Variants in TIAM1 observed in about 807,000 individuals in gnomAD.
TIAM1 encodes rho guanine nucleotide exchange factor TIAM1.
Under a neutral mutation model 163.5 loss-of-function variants are expected in TIAM1, and 65 were observed. The ratio of observed to expected loss-of-function variants is 0.40; its 90% CI spans 0.33 to 0.49. The LOEUF (loss-of-function observed/expected upper bound fraction) is 0.49, where lower values mean the gene tolerates loss of function less well. TIAM1 is among the 20% of genes least tolerant of loss of function. TIAM1 has a pLI of 0.77. For missense variants in TIAM1, 1,789 were observed against 2,044.7 expected, an observed-to-expected ratio of 0.87 and a Z score of 2.41; for synonymous variants, 833 against 810.1, an observed-to-expected ratio of 1.03 and a Z score of -0.48.
chr21:31,462,649 C>G (rs1237443583), intron 2 of TIAM1, among the ~76,000 whole-genome samples: 1 of 152,156 alleles, frequency 6.6e-6, no homozygotes, highest in Non-Finnish European at 1.5e-5. Context: ...CAGCAACATT[C>G]CATCATGGGG....
intron 2 of TIAM1, among the ~76,000 whole-genome samples, chr21:31,450,421 C>T (rs1002200100): frequency 1.3e-5 from 2 of 152,172 alleles, no homozygotes; most frequent in African/African-American, 4.8e-5. Flanking sequence ...TGCCCCTGGG[C>T]ACCCTGCCTC....
At chr21:31,384,179 A>T (rs2076826800) in intron 2 of TIAM1, among the ~76,000 whole-genome samples, 1 of 152,144 alleles carries the variant, frequency 6.6e-6, no homozygotes, top group South Asian at 2.1e-4. Flanking sequence ...TTTAATGAAC[A>T]AATAAGGCAA....
intron 1 of TIAM1, among the ~76,000 whole-genome samples, chr21:31,552,303 C>T (rs73199536): frequency 0.05 from 7,583 of 151,816 alleles, 216 homozygotes; most frequent in East Asian, 0.12. Context: ...TTACTTGAGT[C>T]GAAGTATCTG....
intron 2 of TIAM1, among the ~76,000 whole-genome samples, chr21:31,434,684 A>G (rs1265748955): frequency 6.6e-6 from 1 of 152,218 alleles, no homozygotes; most frequent in Non-Finnish European, 1.5e-5. Context: ...TTGCAGTTAT[A>G]GTTAATTGCA....
At chr21:31,478,315 TTC>T (rs1343366996) in intron 1 of TIAM1, among the ~76,000 whole-genome samples, 1 of 152,190 alleles carries the variant, frequency 6.6e-6, no homozygotes, top group African/African-American at 2.4e-5. Context: ...GAACCAAGCT[TTC>T]TGTTTAGTCT....
intron 2 of TIAM1, among the ~76,000 whole-genome samples, chr21:31,410,929 C>T (rs1324266626): frequency 1.3e-5 from 2 of 152,088 alleles, no homozygotes; most frequent in Non-Finnish European, 2.9e-5. Flanking sequence ...ATTAGGGGCC[C>T]GCTCCTCACT....
intron 2 of TIAM1, among the ~76,000 whole-genome samples, chr21:31,378,860 T>C (rs1285127006): frequency 1.3e-5 from 2 of 152,200 alleles, no homozygotes; most frequent in East Asian, 3.8e-4. Flanking sequence ...ATAACAACAA[T>C]TTACATAGCA....
At chr21:31,481,201 A>G (rs576815538) in intron 1 of TIAM1, among the ~76,000 whole-genome samples, 1 of 152,252 alleles carries the variant, frequency 6.6e-6, no homozygotes, top group East Asian at 1.9e-4. Flanking sequence ...CTCTGTACAC[A>G]CAAGTGTGTA....
intron 3 of TIAM1, among the ~76,000 whole-genome samples, chr21:31,267,986 AG>A (rs2072879929): frequency 6.6e-6 from 1 of 152,210 alleles, no homozygotes; most frequent in Non-Finnish European, 1.5e-5. Flanking sequence ...AGTGGGAAAG[AG>A]AAAAATCTTC....
intron 1 of TIAM1, among the ~76,000 whole-genome samples, chr21:31,490,663 G>A (rs1369952663): frequency 1.3e-5 from 2 of 152,218 alleles, no homozygotes; most frequent in Admixed American, 6.5e-5. Context: ...ATGTGACTCA[G>A]CTGCCACCAA....
chr21:31,159,024 T>C lies in TIAM1; in HGVS notation c.2992-4598A>G, dbSNP rs771221910. ...TCCCAAAAGCCAAGTATCCTGGATGTGGGACAAGCAGCTTAGGACTCCAGC... is the reference window on the plus strand; with the variant it reads ...TCCCAAAAGCCAAGTATCCTGGATGCGGGACAAGCAGCTTAGGACTCCAGC... On this transcript the variant is annotated intron_variant, in intron 16 of 27. Transcript: ENST00000541036. Among the ~76,000 whole-genome samples the C allele has an allele frequency of 2.2e-3, 338 of 152,156 alleles. 3 individuals are homozygous for C. The highest frequency in any genetic ancestry group is 6.2e-4 in the Non-Finnish European group (42 of 68,018).
intron 2 of TIAM1, among the ~76,000 whole-genome samples, chr21:31,401,078 G>A (rs1569299210): frequency 2.0e-5 from 3 of 151,836 alleles, no homozygotes; most frequent in Non-Finnish European, 2.9e-5. Context: ...ATAAATAAAT[G>A]AATAAATAAA....
At chr21:31,305,895 T>C (rs2074690977) in intron 2 of TIAM1, among the ~76,000 whole-genome samples, 1 of 152,012 alleles carries the variant, frequency 6.6e-6, no homozygotes, top group Non-Finnish European at 1.5e-5. Flanking sequence ...AGAAGGTGTC[T>C]GCTCACGGGG....
At chr21:31,183,788 A>C (rs1423332318) in intron 14 of TIAM1, among the ~76,000 whole-genome samples, 2 of 137,460 alleles carry the variant, frequency 1.5e-5, no homozygotes, top group East Asian at 2.2e-4. Flanking sequence ...TCTGCCTCCC[A>C]GGTTCAAGCG....
intron 1 of TIAM1, among the ~76,000 whole-genome samples, chr21:31,516,272 A>AGTG (rs924588676): frequency 1.3e-5 from 2 of 149,932 alleles, no homozygotes; most frequent in African/African-American, 4.9e-5. Context: ...ATTAGCCGGG[A>AGTG]GTGGTGGCAT....
At chr21:31,201,018 G>A (rs1251540467) in intron 12 of TIAM1, among the ~76,000 whole-genome samples, 1 of 152,066 alleles carries the variant, frequency 6.6e-6, no homozygotes. Flanking sequence ...CACACAATGG[G>A]CAAGGCTTAA....
intron 2 of TIAM1, among the ~76,000 whole-genome samples, chr21:31,409,459 G>C (rs2077307126): frequency 6.6e-6 from 1 of 152,086 alleles, no homozygotes; most frequent in African/African-American, 2.4e-5. Context: ...TTTTCTCACA[G>C]ACTGCCCCTC....
At chr21:31,313,040 C>A (rs1043694896) in intron 2 of TIAM1, among the ~76,000 whole-genome samples, 9 of 152,128 alleles carry the variant, frequency 5.9e-5, no homozygotes, top group Non-Finnish European at 8.8e-5. Context: ...CTGCCTGGTG[C>A]AAAAAGAATG....
At chr21:31,183,109 C>T (rs1031337438) in intron 14 of TIAM1, among the ~76,000 whole-genome samples, 8 of 152,296 alleles carry the variant, frequency 5.3e-5, no homozygotes, top group South Asian at 2.1e-4. Context: ...AAATGCAGGG[C>T]GTTCACTCTG....
Sources: allele counts gnomAD v4.1 joint callset (sites outside exome capture counted in the v4.1 genomes callset), GRCh38; gene constraint gnomAD v4.1.1; transcripts MANE v1.5; gene names NCBI Gene and HGNC (gene_info 2026-07-23, HGNC 2026-07-21).